NBEA: variants seen among roughly 807,000 people sequenced by gnomAD.
NBEA encodes the protein neurobeachin.
NBEA carries 44 observed loss-of-function variants against 343.4 expected under a neutral mutation model. The observed-to-expected ratio is 0.13, with a 90% CI of 0.10 to 0.16. The LOEUF is 0.16. NBEA is among the 10% of genes least tolerant of loss of function. The pLI is 1.00. For synonymous variants in NBEA, 1,175 were observed against 1,238.7 expected (o/e 0.95, Z 1.08); for missense variants, 2,555 against 3,631.3 (o/e 0.70, Z 7.62).
chr13:35,488,108 A>AT (rs2076369529), intron 41 of NBEA, among the ~76,000 whole-genome samples: 2 of 151,794 alleles, frequency 1.3e-5, no homozygotes, highest in Non-Finnish European at 2.9e-5. Flanking sequence ...ATTTTTAGGT[A>AT]TTTTTTCCGT....
At position 35,264,296 on chromosome 13, in the gene NBEA, C is replaced by G. The variant is rs552168421; in HGVS notation, c.5777-26093C>G. On this transcript the variant is annotated intron_variant, in intron 34 of 58. Coordinates refer to ENST00000379939, the MANE Select transcript of NBEA (RefSeq NM_001385012.1). ...CTCCTATCAAAGAAAAGCCCAGGAT[C>G]TGATGGCTTTTCTGATGAGTTCTAT... Among the ~76,000 whole-genome samples the G allele has an allele frequency of 7.9e-5, 12 of 151,944 alleles. No homozygotes were observed. In the South Asian group the frequency reaches 2.5e-3, roughly 31 times the overall value.
chr13:35,014,569 G>GA (rs1319067934), intron 1 of NBEA, among the ~76,000 whole-genome samples: 1 of 152,166 alleles, frequency 6.6e-6, no homozygotes, highest in Non-Finnish European at 1.5e-5. Flanking sequence ...CTAAACTAAT[G>GA]TACTTCTGCT....
chr13:35,203,990 C>A (rs1016819650), intron 31 of NBEA, among the ~76,000 whole-genome samples: 4 of 152,048 alleles, frequency 2.6e-5, no homozygotes, highest in Admixed American at 2.0e-4. Flanking sequence ...TAGAATAGAG[C>A]AGGGGTCCCC....
intron 38 of NBEA, among the ~76,000 whole-genome samples, chr13:35,411,460 TTC>T (rs2043579322): frequency 1.5e-5 from 2 of 135,250 alleles, no homozygotes; most frequent in South Asian, 5.3e-4. Context: ...GTCTTGTCTC[TTC>T]TTTTTTTTTT....
chr13:35,634,835 A>G (rs2153069444), intron 49 of NBEA, among the ~76,000 whole-genome samples: 1 of 152,116 alleles, frequency 6.6e-6, no homozygotes, highest in East Asian at 1.9e-4. Flanking sequence ...CTTTTTCTCA[A>G]TCTGACAGGG....
rs9600213 is a variant in NBEA at position 35,165,748 on chromosome 13, G to A, written c.4233+1239G>A. Among the ~76,000 whole-genome samples the A allele has an allele frequency of 9.7e-3, 1,450 of 149,980 alleles. 18 individuals carry two copies. Among genetic ancestry groups the A allele is most frequent in the African/African-American group, 0.034 (1,396 of 40,730 alleles). On this transcript the variant is annotated intron_variant, in intron 24 of 58. Transcript: ENST00000379939. Reference sequence around the variant, plus strand: ...GACCCAGGCTGGAGCAGAGTAGGGCGATCTCAGCTCACTGCAACCTCCGCC... The same window carrying A: ...GACCCAGGCTGGAGCAGAGTAGGGCAATCTCAGCTCACTGCAACCTCCGCC...
chr13:35,322,662 G>T (rs1023900600), intron 36 of NBEA, among the ~76,000 whole-genome samples: 2 of 152,062 alleles, frequency 1.3e-5, no homozygotes, highest in Non-Finnish European at 2.9e-5. Context: ...AGTTTCATAC[G>T]TGAAACATGA....
At position 35,355,052 on chromosome 13, in the gene NBEA, A is replaced by G. The variant is rs2040415533; in HGVS notation, c.6179+2729A>G. Among the ~76,000 whole-genome samples, 3 of 152,110 alleles carry G rather than the reference A, an allele frequency of 2.0e-5. No individual in the cohort carries two copies. The South Asian group carries it at 6.2e-4, about 31-fold the overall frequency. ...CATAAATGTTGCTCTGTCCTTGACTACTGTTTACACATCCCACATTGAGCC... is the reference window on the plus strand; with the variant it reads ...CATAAATGTTGCTCTGTCCTTGACTGCTGTTTACACATCCCACATTGAGCC... On this transcript the variant is annotated intron_variant, in intron 38 of 58. Coordinates refer to ENST00000379939, the MANE Select transcript of NBEA (RefSeq NM_001385012.1).
intron 38 of NBEA, among the ~76,000 whole-genome samples, chr13:35,430,675 A>T (rs2045043218): frequency 6.6e-6 from 1 of 152,140 alleles, no homozygotes; most frequent in Non-Finnish European, 1.5e-5. Context: ...CTATGGTTAG[A>T]AATTTTAGAT....
At chr13:35,322,116 C>T (rs190196769) in intron 36 of NBEA, among the ~76,000 whole-genome samples, 205 of 152,174 alleles carry the variant, frequency 1.3e-3, no homozygotes, top group African/African-American at 4.7e-3. Context: ...GGTTCTGTCT[C>T]GCTGGCATTC....
intron 1 of NBEA, among the ~76,000 whole-genome samples, chr13:34,993,939 C>T (rs1341882135): frequency 1.1e-4 from 16 of 151,686 alleles, no homozygotes; most frequent in African/African-American, 2.4e-4. Flanking sequence ...GGCTCATGCC[C>T]GTAATCCCAG....
chr13:35,400,196 TAAAAA>T (rs71081251), intron 38 of NBEA, among the ~76,000 whole-genome samples: 1,835 of 78,210 alleles, frequency 0.023, 44 homozygotes, highest in African/African-American at 0.07. Flanking sequence ...CTTCAATTTG[TAAAAA>T]AAAAAAAAAA....
At chr13:35,289,670 A>G (rs539073482) in intron 34 of NBEA, among the ~76,000 whole-genome samples, 1 of 151,944 alleles carries the variant, frequency 6.6e-6, no homozygotes, top group Non-Finnish European at 1.5e-5. Flanking sequence ...GAGTATAATG[A>G]TAATTAAATG....
At chr13:35,325,576 C>T (rs1292467756) in intron 36 of NBEA, among the ~76,000 whole-genome samples, 1 of 151,936 alleles carries the variant, frequency 6.6e-6, no homozygotes, top group East Asian at 1.9e-4. Flanking sequence ...GACTCATATC[C>T]ATCATAAGCA....
At chr13:34,961,305 G>A (rs530838938) in intron 1 of NBEA, among the ~76,000 whole-genome samples, 1 of 151,908 alleles carries the variant, frequency 6.6e-6, no homozygotes, top group Non-Finnish European at 1.5e-5. Context: ...TAAAAGTTTT[G>A]CTTTATATTA....
At chr13:34,967,720 T>C (rs2059868634) in intron 1 of NBEA, among the ~76,000 whole-genome samples, 1 of 152,112 alleles carries the variant, frequency 6.6e-6, no homozygotes, top group Non-Finnish European at 1.5e-5. Flanking sequence ...TGGTGTCTAT[T>C]ACAACTACTC....
intron 6 of NBEA, among the ~76,000 whole-genome samples, chr13:35,055,701 A>G (rs1055747015): frequency 5.9e-5 from 9 of 152,192 alleles, no homozygotes; most frequent in African/African-American, 1.4e-4. Context: ...GCTTGGCACA[A>G]TGTAAATTTT....
Position 35,379,465 on chromosome 13 carries a change from T to C in NBEA, c.6179+27142T>C, listed in dbSNP as rs537323974. On this transcript the variant is annotated intron_variant, in intron 38 of 58. Transcript: ENST00000379939. ...TTTTGGATCTGAGGCATTTGTTTGA[T>C]ATATATATTGCAAATATCCTACTCT... Among the ~76,000 whole-genome samples the C allele has an allele frequency of 2.6e-4, 40 of 152,314 alleles. No homozygotes were observed. The South Asian group carries it at 7.9e-3, about 30-fold the overall frequency.
At chr13:35,298,235 A>G (rs866974136) in intron 35 of NBEA, among the ~76,000 whole-genome samples, 4 of 140,752 alleles carry the variant, frequency 2.8e-5, no homozygotes, top group African/African-American at 5.3e-5. Context: ...ATATATATAT[A>G]TATATATATA....
Sources: allele counts gnomAD v4.1 joint callset (sites outside exome capture counted in the v4.1 genomes callset), GRCh38; gene constraint gnomAD v4.1.1; transcripts MANE v1.5; gene names NCBI Gene and HGNC (gene_info 2026-07-23, HGNC 2026-07-21).